SLC25A21: variants seen among roughly 807,000 people sequenced by gnomAD.
The protein encoded by SLC25A21 is solute carrier family 25 member 21.
In SLC25A21, 47 loss-of-function variants were observed where a neutral mutation model predicts 43.8. The observed-to-expected ratio is 1.07, with a 90% confidence interval of 0.85 to 1.37. SLC25A21 has a LOEUF of 1.37. SLC25A21 is among the 40% of genes most tolerant of loss of function. The pLI is 0.00. For synonymous variants in SLC25A21, 131 were observed against 121.3 expected (o/e 1.08, Z -0.52); for missense variants, 352 against 350.2 (o/e 1.00, Z -0.04).
chr14:36,972,340 A>C (rs1018075127), intron 1 of SLC25A21, among the ~76,000 whole-genome samples: 5 of 152,234 alleles, frequency 3.3e-5, no homozygotes, highest in African/African-American at 1.2e-4. Context: ...ATTCATGACT[A>C]TATTTCAATA....
intron 1 of SLC25A21, among the ~76,000 whole-genome samples, chr14:37,161,411 G>A (rs1267471978): frequency 6.6e-6 from 1 of 152,142 alleles, no homozygotes; most frequent in Non-Finnish European, 1.5e-5. Context: ...AGGAACACAG[G>A]ACCATAGCTT....
At chr14:37,114,226 A>G (rs1485944293) in intron 1 of SLC25A21, among the ~76,000 whole-genome samples, 3 of 152,196 alleles carry the variant, frequency 2.0e-5, no homozygotes, top group Non-Finnish European at 4.4e-5. Flanking sequence ...GCTGGAAAAG[A>G]TAGATGTAAT....
chr14:36,945,282 C>T (rs1892653201), intron 1 of SLC25A21, among the ~76,000 whole-genome samples: 1 of 152,074 alleles, frequency 6.6e-6, no homozygotes, highest in Admixed American at 6.5e-5. Context: ...AAGTTGATAC[C>T]ATGTGCCCAA....
intron 3 of SLC25A21, among the ~76,000 whole-genome samples, chr14:36,790,821 T>C (rs1011551474): frequency 6.6e-6 from 1 of 152,110 alleles, no homozygotes; most frequent in Non-Finnish European, 1.5e-5. Flanking sequence ...GGTTGGACTG[T>C]TATAAAACCA....
intron 3 of SLC25A21, among the ~76,000 whole-genome samples, chr14:36,789,926 T>TAAA: frequency 7.9e-6 from 1 of 126,084 alleles, no homozygotes; most frequent in Non-Finnish European, 1.6e-5. Flanking sequence ...TATATATTTA[T>TAAA]ATATTATATA....
At chr14:36,762,723 C>T (rs1447149679) in intron 3 of SLC25A21, among the ~76,000 whole-genome samples, 1 of 152,146 alleles carries the variant, frequency 6.6e-6, no homozygotes, top group Non-Finnish European at 1.5e-5. Context: ...GTGCCTTCAT[C>T]TGTTAAATGG....
chr14:37,004,325 A>T (rs989599061), intron 1 of SLC25A21, among the ~76,000 whole-genome samples: 3 of 152,206 alleles, frequency 2.0e-5, no homozygotes, highest in African/African-American at 7.2e-5. Flanking sequence ...TATTATTTAT[A>T]AAAGACCCTA....
intron 1 of SLC25A21, among the ~76,000 whole-genome samples, chr14:37,067,571 C>T (rs948295651): frequency 1.3e-5 from 2 of 152,072 alleles, no homozygotes; most frequent in South Asian, 4.2e-4. Flanking sequence ...GGAAAGTGAT[C>T]CCAGATGGAA....
intron 1 of SLC25A21, among the ~76,000 whole-genome samples, chr14:36,884,594 A>G (rs1890860347): frequency 6.6e-6 from 1 of 152,150 alleles, no homozygotes; most frequent in Non-Finnish European, 1.5e-5. Context: ...ATTCCCACCT[A>G]TAATGTATGA....
chr14:37,140,172 T>C (rs1963547064), intron 1 of SLC25A21, among the ~76,000 whole-genome samples: 1 of 152,244 alleles, frequency 6.6e-6, no homozygotes, highest in Non-Finnish European at 1.5e-5. Context: ...ACTGCATTTC[T>C]TCTTTCTGCT....
chr14:36,935,335 T>C (rs984801752), intron 1 of SLC25A21, among the ~76,000 whole-genome samples: 3 of 152,184 alleles, frequency 2.0e-5, no homozygotes, highest in Admixed American at 6.6e-5. Context: ...GGCATGGGAC[T>C]GACCCAGAGC....
At chr14:37,118,884 C>T (rs1428395451) in intron 1 of SLC25A21, among the ~76,000 whole-genome samples, 2 of 151,990 alleles carry the variant, frequency 1.3e-5, no homozygotes, top group Non-Finnish European at 2.9e-5. Context: ...AGTCTGACAC[C>T]TACTGGGCTG....
At chr14:37,145,395 T>C (rs1356940877) in intron 1 of SLC25A21, among the ~76,000 whole-genome samples, 1 of 151,810 alleles carries the variant, frequency 6.6e-6, no homozygotes, top group Non-Finnish European at 1.5e-5. Context: ...TGCCCAGATT[T>C]ACCTCTATTC....
chr14:36,724,992 G>A (rs1884533686), intron 6 of SLC25A21, among the ~76,000 whole-genome samples: 1 of 152,128 alleles, frequency 6.6e-6, no homozygotes, highest in African/African-American at 2.4e-5. Context: ...GATTATATTA[G>A]AGCTCTAAAA....
chr14:37,117,430 AC>A (rs1275001439), intron 1 of SLC25A21, among the ~76,000 whole-genome samples: 2 of 152,220 alleles, frequency 1.3e-5, no homozygotes, highest in East Asian at 3.8e-4. Context: ...CCTTAGGAAA[AC>A]AGGCACATCG....
intron 1 of SLC25A21, among the ~76,000 whole-genome samples, chr14:37,140,966 C>T (rs992582494): frequency 5.9e-5 from 9 of 151,970 alleles, no homozygotes; most frequent in South Asian, 4.2e-4. Context: ...TGCCACATGG[C>T]GAAATTCCGT....
chr14:37,162,071 G>T (rs1359264426), intron 1 of SLC25A21, among the ~76,000 whole-genome samples: 1 of 151,966 alleles, frequency 6.6e-6, no homozygotes, highest in African/African-American at 2.4e-5. Context: ...TGTGTCCACA[G>T]GCCAAGGAAT....
intron 2 of SLC25A21, among the ~76,000 whole-genome samples, chr14:36,840,083 A>G (rs1889336548): frequency 6.6e-6 from 1 of 152,226 alleles, no homozygotes; most frequent in Admixed American, 6.5e-5. Context: ...CCACAGCAGC[A>G]GCACACAGGT....
At chr14:37,016,752 G>T (rs1291995809) in intron 1 of SLC25A21, among the ~76,000 whole-genome samples, 1 of 152,058 alleles carries the variant, frequency 6.6e-6, no homozygotes, top group Non-Finnish European at 1.5e-5. Flanking sequence ...ATTGCTTACT[G>T]TAGCCACCTT....
Sources: gnomAD v4.1 joint callset for allele counts (sites outside exome capture counted in the v4.1 genomes callset) on GRCh38, gnomAD v4.1.1 for gene constraint, MANE v1.5 for transcripts, NCBI Gene and HGNC (gene_info 2026-07-23, HGNC 2026-07-21) for gene names.